Variants in CHN1 observed in about 807,000 individuals in gnomAD.
The protein encoded by CHN1 is N-chimaerin.
CHN1 carries 37 observed loss-of-function variants against 59.5 expected under a neutral mutation model. The observed-to-expected ratio is 0.62, with a 90% confidence interval of 0.48 to 0.82. The LOEUF is 0.82. Ranked by LOEUF, CHN1 falls within the 40% of genes least tolerant of loss-of-function variation. The pLI, the probability that CHN1 is intolerant of heterozygous loss-of-function variation, is 0.00. For missense variants in CHN1, 469 were observed against 571.0 expected (o/e 0.82, Z 1.82); for synonymous variants, 206 against 200.4 (o/e 1.03, Z -0.24).
At chr2:174,974,018 A>G (rs1353584917) in intron 1 of CHN1, among the ~76,000 whole-genome samples, 1 of 152,198 alleles carries the variant, frequency 6.6e-6, no homozygotes, top group Non-Finnish European at 1.5e-5. Context: ...CATACTTTAA[A>G]GAATTTTCCA....
intron 6 of CHN1, among the ~76,000 whole-genome samples, chr2:174,866,745 G>C (rs952869373): frequency 6.6e-6 from 1 of 152,150 alleles, no homozygotes; most frequent in Non-Finnish European, 1.5e-5. Flanking sequence ...GTGTAGACAA[G>C]CTTGACTATG....
At chr2:174,984,519 C>T (rs1219818220) in intron 1 of CHN1, among the ~76,000 whole-genome samples, 15 of 152,096 alleles carry the variant, frequency 9.9e-5, no homozygotes, top group Admixed American at 9.2e-4. Flanking sequence ...CAGGTGTGTA[C>T]CACCACACCC....
intron 4 of CHN1, among the ~76,000 whole-genome samples, chr2:174,917,010 GGTGA>G (rs1688866171): frequency 6.6e-6 from 1 of 152,210 alleles, no homozygotes; most frequent in Non-Finnish European, 1.5e-5. Flanking sequence ...TGGCCAACAT[GGTGA>G]AACCCCATCT....
At chr2:174,869,120 G>T (rs1229135632) in intron 6 of CHN1, among the ~76,000 whole-genome samples, 2 of 152,196 alleles carry the variant, frequency 1.3e-5, no homozygotes, top group Non-Finnish European at 2.9e-5. Context: ...GATCCCAACA[G>T]AGCAGAGGCT....
Position 174,950,426 on chromosome 2 carries a change from C to G in CHN1, c.58+1738G>C, listed in dbSNP as rs1689987766. Among the ~76,000 whole-genome samples, 3 of 151,946 alleles carry G rather than the reference C, an allele frequency of 2.0e-5. No individual in the cohort carries two copies. In the South Asian group the frequency reaches 6.2e-4, roughly 32 times the overall value. Reference sequence around the variant, plus strand: ...GGATTACAGGCATGCACCACTACACCCAGCTAATTTTTTGGTATTTAGTAG... The same window carrying G: ...GGATTACAGGCATGCACCACTACACGCAGCTAATTTTTTGGTATTTAGTAG... On this transcript the variant is annotated intron_variant, in intron 2 of 12. Coordinates refer to ENST00000409900, the MANE Select transcript of CHN1 (RefSeq NM_001822.7).
intron 8 of CHN1, 96 bp downstream of exon 8, chr2:174,824,338 C>CT: frequency 1.1e-6 from 1 of 878,748 alleles, no homozygotes. Flanking sequence ...AACCAGGATC[C>CT]AGCCTACTGG....
chr2:174,974,586 G>A (rs1006258361), intron 1 of CHN1, among the ~76,000 whole-genome samples: 5 of 152,068 alleles, frequency 3.3e-5, no homozygotes, highest in Admixed American at 1.3e-4. Flanking sequence ...GTGACAATTA[G>A]ATCAAATTGT....
At chr2:174,876,852 C>T (rs1687579546) in intron 6 of CHN1, among the ~76,000 whole-genome samples, 1 of 152,132 alleles carries the variant, frequency 6.6e-6, no homozygotes, top group Non-Finnish European at 1.5e-5. Context: ...TGCTATCTCA[C>T]TCACTCCTCA....
At chr2:174,978,725 T>C (rs1691037165) in intron 1 of CHN1, among the ~76,000 whole-genome samples, 1 of 152,254 alleles carries the variant, frequency 6.6e-6, no homozygotes, top group African/African-American at 2.4e-5. Context: ...TTTAAATATA[T>C]CTTTAATAAC....
chr2:174,997,269 C>T (rs1274349997), intron 1 of CHN1, among the ~76,000 whole-genome samples: 1 of 152,160 alleles, frequency 6.6e-6, no homozygotes, highest in Non-Finnish European at 1.5e-5. Flanking sequence ...CTTCCCCAGA[C>T]CTCGAACGTC....
chr2:174,940,079 G>C (rs1249469814), intron 3 of CHN1, among the ~76,000 whole-genome samples: 1 of 151,916 alleles, frequency 6.6e-6, no homozygotes, highest in Non-Finnish European at 1.5e-5. Context: ...GCCCAAGCTG[G>C]AGTGCAGTGG....
In CHN1 at chr2:174,848,945, C is replaced by CATG. The variant is rs543586724; in HGVS notation, c.550-1991_550-1989dup. On this transcript the variant is annotated intron_variant, in intron 6 of 12. Coordinates refer to ENST00000409900, the MANE Select transcript of CHN1 (RefSeq NM_001822.7). Reference sequence around the variant, plus strand: ...TTTTCAGATTGGACCTATTTTGTCACATGATGACTAAAAATATAACGGCCA... The same window carrying CATG: ...TTTTCAGATTGGACCTATTTTGTCACATGATGATGACTAAAAATATAACGGCCA... Among the ~76,000 whole-genome samples the CATG allele has an allele frequency of 1.5e-3, 234 of 152,216 alleles. 3 individuals carry two copies. The Middle Eastern group carries it at 0.017, about 11-fold the overall frequency.
At chr2:174,974,898 T>TACACACACAC (rs373940330) in intron 1 of CHN1, among the ~76,000 whole-genome samples, 2,988 of 144,268 alleles carry the variant, frequency 0.021, 50 homozygotes, top group Admixed American at 0.037. Flanking sequence ...AAATAATTAA[T>TACACACACAC]ACACACACAC....
chr2:174,877,986 C>T lies in CHN1; in HGVS notation c.403G>A (p.Ala135Thr). The change falls in exon 6 of 13, where the codon GCC (alanine) becomes ACC (threonine). Residue 135 changes from alanine to threonine, a missense_variant. Physicochemically the swap from Ala to Thr is moderately conservative, Grantham distance 58. Around this residue, in one of 5 missense-constraint regions of CHN1, gnomAD observed 152 missense variants for 166.1 expected, o/e 0.92. Transcript: ENST00000409900. ...TAAATTGGGTTTATCGTCATCTTGG[C>T]AATGTATTCTGCTGCCTTGGTTTCA... ...YIETKAAEYIAKMTINPIYEH... is the reference protein window; with the variant it reads ...YIETKAAEYITKMTINPIYEH... 2 of 1,613,760 alleles carry T rather than the reference C, an allele frequency of 1.2e-6. No homozygotes were observed. The highest frequency in any genetic ancestry group is 1.7e-6 in the Non-Finnish European group (2 of 1,179,826).
At chr2:174,847,175 G>C (rs1686548808) in intron 6 of CHN1, 1 of 1,520,014 alleles carries the variant, frequency 6.6e-7, no homozygotes, top group Non-Finnish European at 8.8e-7. Flanking sequence ...GTCTATGTCT[G>C]TCGATGATAT....
chr2:174,979,117 G>A (rs951269936), intron 1 of CHN1, among the ~76,000 whole-genome samples: 1 of 152,118 alleles, frequency 6.6e-6, no homozygotes, highest in Admixed American at 6.5e-5. Context: ...GGTTGTTAAT[G>A]GATACCAGAA....
chr2:174,912,189 A>G (rs1688723142), intron 5 of CHN1, among the ~76,000 whole-genome samples: 1 of 152,224 alleles, frequency 6.6e-6, no homozygotes, highest in Non-Finnish European at 1.5e-5. Flanking sequence ...TTATAAAACT[A>G]AAGTTAATTT....
Position 175,005,007 on chromosome 2 carries a change from G to C in CHN1, c.-95C>G, listed in dbSNP as rs1447790690. ...GCCCGCCGCACCCACACCTCGGAGA[G>C]AGTGGGGTGCCCGATGGGGCGTGCT... On this transcript the variant is annotated 5_prime_UTR_variant, in exon 1 of 13. Coordinates refer to ENST00000409900, the MANE Select transcript of CHN1 (RefSeq NM_001822.7). 5.4e-6 allele frequency: 8 copies of C among 1,493,074 alleles called. No homozygotes were observed. The highest frequency in any genetic ancestry group is 1.4e-5 in the African/African-American group (1 of 69,442). 92.5% of individuals were successfully genotyped at this position (1,493,074 alleles called of 1,614,324 possible).
At chr2:174,889,270 T>C (rs1027402905) in intron 5 of CHN1, among the ~76,000 whole-genome samples, 4 of 149,600 alleles carry the variant, frequency 2.7e-5, no homozygotes, top group African/African-American at 1.0e-4. Context: ...CTGGAAAAGG[T>C]GGTTTTTTTT....
Sources: gnomAD v4.1 joint callset for allele counts (sites outside exome capture counted in the v4.1 genomes callset) on GRCh38, gnomAD v4.1.1 for gene constraint, gnomAD v4.1.1 regional missense constraint, MANE v1.5 for transcripts, NCBI Gene and HGNC (gene_info 2026-07-23, HGNC 2026-07-21) for gene names.